Variants in PTPRG observed in about 807,000 individuals in gnomAD.
PTPRG encodes the protein protein tyrosine phosphatase receptor type G.
In PTPRG, 102 loss-of-function variants were observed where a neutral mutation model predicts 165.3. The ratio of observed to expected loss-of-function variants is 0.62; its 90% CI spans 0.53 to 0.73. PTPRG has a LOEUF of 0.73. Among genes scored for constraint, PTPRG ranks in the 30% least tolerant of loss-of-function variants. The pLI, the probability that PTPRG is intolerant of heterozygous loss-of-function variation, is 0.00. For missense variants in PTPRG, 1,866 were observed against 1,861.4 expected, an observed-to-expected ratio of 1.00 and a Z score of -0.05; for synonymous variants, 675 against 669.5, an observed-to-expected ratio of 1.01 and a Z score of -0.13.
intron 2 of PTPRG, among the ~76,000 whole-genome samples, chr3:61,948,327 C>CA (rs372025391): frequency 0.024 from 3,489 of 144,842 alleles, 81 homozygotes; most frequent in South Asian, 0.086. Context: ...CTCCGTTTTA[C>CA]AAAAAAAAAA....
chr3:61,782,439 A>G (rs1410677372), intron 2 of PTPRG, among the ~76,000 whole-genome samples: 2 of 152,240 alleles, frequency 1.3e-5, no homozygotes, highest in Non-Finnish European at 2.9e-5. Context: ...GTGAACCATC[A>G]GCCAGGCTGA....
intron 1 of PTPRG, among the ~76,000 whole-genome samples, chr3:61,627,614 T>C (rs1351122474): frequency 2.6e-5 from 4 of 152,086 alleles, no homozygotes; most frequent in Non-Finnish European, 5.9e-5. Flanking sequence ...TTTTATTTAA[T>C]GACCCATTTT....
intron 1 of PTPRG, among the ~76,000 whole-genome samples, chr3:61,661,690 T>G (rs542988468): frequency 7.2e-5 from 11 of 152,214 alleles, no homozygotes; most frequent in Admixed American, 1.3e-4. Context: ...TCACTTCTCT[T>G]TTCTTTGTAG....
In PTPRG at chr3:61,769,641, G is replaced by A. The variant is rs1425995638; in HGVS notation, c.190+20659G>A. 2.0e-5 allele frequency: 3 copies of A among 152,152 alleles called. No individual in the cohort carries two copies. In the East Asian group the frequency reaches 5.8e-4, roughly 29 times the overall value. 9.4% of individuals were successfully genotyped at this position (152,152 alleles called of 1,614,324 possible). A position where few individuals can be genotyped will look rare whatever the true frequency, so the allele number is the denominator to read the frequency against. Reference sequence around the variant, plus strand: ...GAATTTTCAGTAATAAGGAATTGAAGATTTTAGTCAAGCCAGAGCACACAT... The same window carrying A: ...GAATTTTCAGTAATAAGGAATTGAAAATTTTAGTCAAGCCAGAGCACACAT... On this transcript the variant is annotated intron_variant, in intron 2 of 29. Coordinates refer to ENST00000474889, the MANE Select transcript of PTPRG (RefSeq NM_002841.4).
rs1700095211 is a variant in PTPRG, at chr3:62,201,517, G to A, written c.1340G>A (p.Arg447Gln). The change falls in exon 11 of 30, where the codon CGA becomes CAA. Residue 447 changes from arginine (R) to glutamine (Q), a missense_variant. This residue lies in a region of PTPRG where 1,452 missense variants were observed against 1,463.0 expected (regional missense o/e 0.99). Coordinates refer to ENST00000474889, the MANE Select transcript of PTPRG (RefSeq NM_002841.4). ...CTTTGTTTCTCAGCTAATACCACTC[G>A]AATATTCCAAGGGACCAGAATAGTG... is the stretch of plus-strand genomic sequence containing the variant. The part of the protein sequence containing the change: ...QTMLFQANTT[R>Q]IFQGTRIVKT... The A allele has an allele frequency of 2.5e-6, 4 of 1,610,462 alleles. No homozygotes were observed. The highest frequency in any genetic ancestry group is 1.1e-5 in the South Asian group (1 of 90,230).
At chr3:62,064,167 A>G (rs1308681990) in intron 4 of PTPRG, among the ~76,000 whole-genome samples, 2 of 152,126 alleles carry the variant, frequency 1.3e-5, no homozygotes, top group Non-Finnish European at 2.9e-5. Flanking sequence ...AGAGCCAGCA[A>G]GTGTTTTAAA....
At chr3:61,916,773 G>C (rs981132518) in intron 2 of PTPRG, among the ~76,000 whole-genome samples, 10 of 152,198 alleles carry the variant, frequency 6.6e-5, no homozygotes, top group Non-Finnish European at 1.2e-4. Flanking sequence ...TGAAGACACT[G>C]AGGTATAGGA....
chr3:61,877,344 G>GCTGGC (rs1436004161), intron 2 of PTPRG, among the ~76,000 whole-genome samples: 2 of 152,148 alleles, frequency 1.3e-5, no homozygotes, highest in African/African-American at 4.8e-5. Flanking sequence ...GTTTGAGAAT[G>GCTGGC]CTGGCCTGGC....
chr3:62,018,668 T>C (rs1485805162), intron 4 of PTPRG, among the ~76,000 whole-genome samples: 1 of 152,178 alleles, frequency 6.6e-6, no homozygotes, highest in Non-Finnish European at 1.5e-5. Context: ...ACTCATCAGG[T>C]AATGCCCCAG....
At chr3:61,821,223 G>A (rs1346728181) in intron 2 of PTPRG, among the ~76,000 whole-genome samples, 1 of 151,784 alleles carries the variant, frequency 6.6e-6, no homozygotes, top group Non-Finnish European at 1.5e-5. Context: ...AGGCTGGAGT[G>A]CAGTGGCGTG....
chr3:62,273,552 T>C lies in PTPRG; in HGVS notation c.3319-146T>C, dbSNP rs1702142043. 3 of 764,816 alleles carry C rather than the reference T, an allele frequency of 3.9e-6. No individual in the cohort carries two copies. Among genetic ancestry groups the C allele is most frequent in the Middle Eastern group, 2.6e-4 (1 of 3,894 alleles). 47.4% of individuals were successfully genotyped at this position (764,816 alleles called of 1,614,324 possible). Reference sequence around the variant, plus strand: ...TAAGTTAAGACTGATAAAGTGAGTATTGGAGCAAATCACCTAGCTGTAAGT... The same window carrying C: ...TAAGTTAAGACTGATAAAGTGAGTACTGGAGCAAATCACCTAGCTGTAAGT... On this transcript the variant is annotated intron_variant, in intron 22 of 29. Coordinates refer to ENST00000474889, the MANE Select transcript of PTPRG (RefSeq NM_002841.4). The surrounding 1 kb of genome is among the most constrained non-coding windows in gnomAD (Gnocchi z 4.1).
chr3:62,160,997 T>C (rs1485491617), intron 7 of PTPRG, among the ~76,000 whole-genome samples: 1 of 151,854 alleles, frequency 6.6e-6, no homozygotes, highest in Non-Finnish European at 1.5e-5. Context: ...GACTGTGTGC[T>C]TTGGAGGCAA....
At chr3:62,025,664 TAA>T (rs1314534702) in intron 4 of PTPRG, among the ~76,000 whole-genome samples, 3 of 152,222 alleles carry the variant, frequency 2.0e-5, no homozygotes, top group Non-Finnish European at 4.4e-5. Context: ...TACCTGTCCT[TAA>T]AAATTGCCAA....
At chr3:61,757,534 T>A (rs688145) in intron 2 of PTPRG, among the ~76,000 whole-genome samples, 119,581 of 152,070 alleles carry the variant, frequency 0.79, 47,134 homozygotes, top group East Asian at 0.93. Context: ...TGGCATTTCA[T>A]TTTTTTATAA....
chr3:62,058,254 A>T (rs745973567), intron 4 of PTPRG, among the ~76,000 whole-genome samples: 1 of 152,114 alleles, frequency 6.6e-6, no homozygotes, highest in African/African-American at 2.4e-5. Context: ...CACCTTAATA[A>T]TCTTATAAGG....
chr3:62,073,861 G>A (rs985532680), intron 4 of PTPRG, among the ~76,000 whole-genome samples: 9 of 152,124 alleles, frequency 5.9e-5, no homozygotes, highest in African/African-American at 1.9e-4. Flanking sequence ...TAACTGTTCC[G>A]GATGAAGATG....
intron 2 of PTPRG, among the ~76,000 whole-genome samples, chr3:61,870,937 T>G (rs1329913542): frequency 6.6e-6 from 1 of 151,932 alleles, no homozygotes; most frequent in African/African-American, 2.4e-5. Flanking sequence ...CGGGGTAGAG[T>G]GAGTTACTTA....
intron 1 of PTPRG, among the ~76,000 whole-genome samples, chr3:61,724,264 T>G (rs1227262313): frequency 6.7e-6 from 1 of 149,942 alleles, no homozygotes; most frequent in South Asian, 2.1e-4. Flanking sequence ...ATAATATGTA[T>G]ATAGTGTGTG....
At chr3:61,953,765 G>T (rs981917567) in intron 2 of PTPRG, among the ~76,000 whole-genome samples, 1 of 152,106 alleles carries the variant, frequency 6.6e-6, no homozygotes, top group Non-Finnish European at 1.5e-5. Context: ...ACTCTGTGAG[G>T]GCCAGGGGAA....
Sources: gnomAD v4.1 joint callset for allele counts (sites outside exome capture counted in the v4.1 genomes callset) on GRCh38, gnomAD v4.1.1 for gene constraint, gnomAD v4.1.1 regional missense constraint, Gnocchi (gnomAD v3.1) non-coding constraint, MANE v1.5 for transcripts, NCBI Gene and HGNC (gene_info 2026-07-23, HGNC 2026-07-21) for gene names.